PDCL2: variants seen among roughly 807,000 people sequenced by gnomAD.
PDCL2 encodes the protein phosducin like 2.
A neutral mutation model predicts 30.3 loss-of-function variants in PDCL2; 23 were observed. The observed-to-expected ratio is 0.76, with a 90% CI of 0.55 to 1.08. The LOEUF is 1.08. Ranked by LOEUF, PDCL2 falls within the 50% of genes least tolerant of loss-of-function variation. The probability of loss-of-function intolerance (pLI) is 0.00; values close to 1 mark genes in which losing one functional copy is unlikely to be tolerated. For synonymous variants in PDCL2, 68 were observed against 86.2 expected, an observed-to-expected ratio of 0.79 and a Z score of 1.17; for missense variants, 243 against 282.3, an observed-to-expected ratio of 0.86 and a Z score of 1.00.
intron 4 of PDCL2, among the ~76,000 whole-genome samples, chr4:55,563,458 A>C (rs1465777179): frequency 6.6e-6 from 1 of 152,328 alleles, no homozygotes; most frequent in East Asian, 1.9e-4. Flanking sequence ...AGATAGACAG[A>C]TCATTTGAGG....
chr4:55,576,169 G>A (rs1319234537), intron 3 of PDCL2, among the ~76,000 whole-genome samples: 2 of 151,868 alleles, frequency 1.3e-5, no homozygotes, highest in African/African-American at 2.4e-5. Flanking sequence ...TTAGCTTACT[G>A]CAACCTCTGC....
intron 1 of PDCL2, among the ~76,000 whole-genome samples, chr4:55,589,164 G>A (rs1003654980): frequency 6.6e-5 from 10 of 151,998 alleles, no homozygotes; most frequent in African/African-American, 2.2e-4. Flanking sequence ...CAGCCAGTAC[G>A]GATGTTTTAT....
chr4:55,576,297 T>G (rs1370072002), intron 3 of PDCL2, among the ~76,000 whole-genome samples: 1 of 152,188 alleles, frequency 6.6e-6, no homozygotes, highest in Non-Finnish European at 1.5e-5. Flanking sequence ...TTCACCATGT[T>G]GGCCAGGCTG....
chr4:55,583,361 T>C (rs983269260), intron 1 of PDCL2, among the ~76,000 whole-genome samples: 1 of 152,262 alleles, frequency 6.6e-6, no homozygotes, highest in Non-Finnish European at 1.5e-5. Flanking sequence ...TCCCAATATA[T>C]AGATTGTCTC....
At chr4:55,573,325 T>C (rs924842852) in intron 3 of PDCL2, among the ~76,000 whole-genome samples, 1 of 152,332 alleles carries the variant, frequency 6.6e-6, no homozygotes, top group Non-Finnish European at 1.5e-5. Flanking sequence ...GCTTCTGAGC[T>C]GACTCCCTTG....
At chr4:55,566,733 G>T (rs1221380464) in intron 4 of PDCL2, among the ~76,000 whole-genome samples, 1 of 151,970 alleles carries the variant, frequency 6.6e-6, no homozygotes, top group Non-Finnish European at 1.5e-5. Context: ...CCAGCCCCAG[G>T]AATGTATTTT....
rs71194595 is a variant in PDCL2 at position 55,565,973 on chromosome 4, GTTTTTTTTTTTT to G, written c.363-3373_363-3362del. Among the ~76,000 whole-genome samples the G allele has an allele frequency of 5.4e-5, 4 of 74,496 alleles. No individual in the cohort carries two copies. The South Asian group carries it at 1.9e-3, about 35-fold the overall frequency. The allele number at this position is 74,496 out of a possible 152,430, so 48.9% of individuals were successfully genotyped here. A position where few individuals can be genotyped will look rare whatever the true frequency, so the allele number is the denominator to read the frequency against. On this transcript the variant is annotated intron_variant, in intron 4 of 5. Coordinates refer to ENST00000295645, the MANE Select transcript of PDCL2 (RefSeq NM_152401.3). ...AAGCTGTAAGTAAATCCATTTTTCT[GTTTTTTTTTTTT>G]TTTTTTTTTTTTTGAGATGGAGTCC... is the stretch of plus-strand genomic sequence containing the variant.
chr4:55,558,698 TG>T (rs1325166452), intron 5 of PDCL2, among the ~76,000 whole-genome samples: 1 of 152,142 alleles, frequency 6.6e-6, no homozygotes, highest in African/African-American at 2.4e-5. Context: ...TTTTTCACCT[TG>T]GGAATACAGA....
chr4:55,576,719 A>G (rs2110162477), intron 3 of PDCL2, among the ~76,000 whole-genome samples: 1 of 152,352 alleles, frequency 6.6e-6, no homozygotes, highest in South Asian at 2.1e-4. Context: ...GCAGTAATGG[A>G]AGACTTAAAA....
intron 1 of PDCL2, 93 bp downstream of exon 1, chr4:55,592,011 G>C (rs1733015456): frequency 6.6e-7 from 1 of 1,520,102 alleles, no homozygotes; most frequent in African/African-American, 1.4e-5. Flanking sequence ...CCTACCTCCT[G>C]TGTCCGCCCT....
intron 4 of PDCL2, 55 bp from the exon 5 acceptor site, chr4:55,562,667 C>T: frequency 8.3e-7 from 1 of 1,206,220 alleles, no homozygotes; most frequent in Non-Finnish European, 1.1e-6. Flanking sequence ...TCATCTCAGT[C>T]TAATGAAATA....
intron 3 of PDCL2, among the ~76,000 whole-genome samples, chr4:55,576,586 T>G (rs1261409003): frequency 6.6e-6 from 1 of 152,184 alleles, no homozygotes; most frequent in Non-Finnish European, 1.5e-5. Flanking sequence ...AGTAGGCCAC[T>G]GTAAGACGTT....
At chr4:55,587,160 C>A (rs1174472207) in intron 1 of PDCL2, among the ~76,000 whole-genome samples, 1 of 137,344 alleles carries the variant, frequency 7.3e-6, no homozygotes, top group Non-Finnish European at 1.5e-5. Flanking sequence ...ACCTTGAACA[C>A]TGTGTCTTCC....
rs1180800465 is a variant in PDCL2 at position 55,582,761 on chromosome 4, C to G, written c.7-524G>C. Among the ~76,000 whole-genome samples, 6 of 147,622 alleles carry G rather than the reference C, an allele frequency of 4.1e-5. 1 individual carries two copies. Among genetic ancestry groups the G allele is most frequent in the Middle Eastern group, 3.2e-3 (1 of 308 alleles). On this transcript the variant is annotated intron_variant, in intron 1 of 5. Transcript: ENST00000295645. ...CCTAATGCTATCCCTCCCCCCTCCC[C>G]CAAGCCCATGACAGGCCCCGGTGTG...
chr4:55,586,712 A>C (rs1053680049), intron 1 of PDCL2, among the ~76,000 whole-genome samples: 2 of 152,224 alleles, frequency 1.3e-5, no homozygotes, highest in African/African-American at 4.8e-5. Flanking sequence ...TTACTGAATC[A>C]TATGATATCT....
intron 1 of PDCL2, among the ~76,000 whole-genome samples, chr4:55,591,594 C>A (rs1733002589): frequency 6.6e-6 from 1 of 152,150 alleles, no homozygotes. Flanking sequence ...ACCATGTTGG[C>A]CAAGATGGTC....
intron 4 of PDCL2, among the ~76,000 whole-genome samples, chr4:55,563,413 G>C (rs1239217126): frequency 1.3e-5 from 2 of 152,162 alleles, no homozygotes; most frequent in Non-Finnish European, 2.9e-5. Context: ...GGGTGCAGTG[G>C]CTCAAGCCTA....
intron 1 of PDCL2, 42 bp from the exon 2 acceptor site, chr4:55,582,279 A>C: frequency 6.5e-7 from 1 of 1,536,150 alleles, no homozygotes. Flanking sequence ...ATGGTTGTAC[A>C]CTTTAATATG....
chr4:55,569,484 T>A (rs1347283520), intron 4 of PDCL2, among the ~76,000 whole-genome samples: 1 of 152,066 alleles, frequency 6.6e-6, no homozygotes, highest in African/African-American at 2.4e-5. Flanking sequence ...TACCAAAGAG[T>A]GCTTATTTTT....
Sources: allele counts gnomAD v4.1 joint callset (sites outside exome capture counted in the v4.1 genomes callset), GRCh38; gene constraint gnomAD v4.1.1; transcripts MANE v1.5; gene names NCBI Gene and HGNC (gene_info 2026-07-23, HGNC 2026-07-21).